The following A2M variants were observed in gnomAD, a reference collection of about 807,000 sequenced individuals.
The protein encoded by A2M is C3 and PZP-like alpha-2-macroglobulin domain-containing protein 5.
A2M carries 128 observed loss-of-function variants against 183.9 expected under a neutral mutation model. The observed-to-expected ratio is 0.70, with a 90% CI of 0.60 to 0.81. A2M has a LOEUF of 0.81. Ranked by LOEUF, A2M falls within the 30% of genes least tolerant of loss-of-function variation. A2M has a pLI of 0.00. For missense variants in A2M, 1,495 were observed against 1,787.6 expected, an observed-to-expected ratio of 0.84 and a Z score of 2.95; for synonymous variants, 592 against 670.8, an observed-to-expected ratio of 0.88 and a Z score of 1.81.
At chr12:9,079,575 A>G in intron 24 of A2M, 64 bp downstream of exon 24, 1 of 1,477,588 alleles carries the variant, frequency 6.8e-7, no homozygotes, top group Middle Eastern at 1.9e-4. Flanking sequence ...TAAGTAACTG[A>G]AACCTACTGG....
intron 33 of A2M, 97 bp downstream of exon 33, chr12:9,069,647 AT>A: frequency 1.2e-6 from 1 of 806,068 alleles, no homozygotes; most frequent in Non-Finnish European, 2.0e-6. Context: ...AATTTCTAGC[AT>A]GGAAGTGATG....
intron 23 of A2M, 111 bp downstream of exon 23, chr12:9,079,983 A>C (rs993588407): frequency 2.2e-6 from 2 of 921,028 alleles, no homozygotes; most frequent in African/African-American, 1.7e-5. Context: ...AAAGAAGAAG[A>C]GAAGAAAGAA....
At chr12:9,079,860 C>T in intron 23 of A2M, 45 bp from the exon 24 acceptor site, 1 of 1,471,112 alleles carries the variant, frequency 6.8e-7, no homozygotes, top group Non-Finnish European at 9.1e-7. Context: ...TGGAGATTAT[C>T]ATCTATCAAA....
chr12:9,080,659 G>C (rs1948883407), intron 22 of A2M, among the ~76,000 whole-genome samples: 1 of 152,126 alleles, frequency 6.6e-6, no homozygotes. Context: ...CATATACAAA[G>C]ATAGTATTTT....
At chr12:9,111,335 T>C (rs1436207899) in intron 4 of A2M, among the ~76,000 whole-genome samples, 2 of 152,078 alleles carry the variant, frequency 1.3e-5, no homozygotes, top group Non-Finnish European at 2.9e-5. Flanking sequence ...TGGTGGTAAG[T>C]GCAAATAGAA....
intron 19 of A2M, 183 bp from the exon 20 acceptor site, chr12:9,090,665 T>G (rs1411858808): frequency 3.3e-6 from 2 of 605,990 alleles, no homozygotes; most frequent in East Asian, 6.2e-5. Context: ...TTTACACAGG[T>G]AAATCTGAGT....
Position 9,080,156 on chromosome 12 carries a change from A to G in A2M, c.2792T>C (p.Leu931Ser). 1 of 1,585,780 alleles carries G rather than the reference A, an allele frequency of 6.3e-7. No homozygotes were observed. The highest frequency in any genetic ancestry group is 2.3e-5 in the East Asian group (1 of 43,814). ...CPSGGEVSEE[L>S]SLKLPPNVVE... ...CACATTTGGTGGCAGTTTCAGGGAT[A>G]ATTCTTCAGAAACCTCACCACCTAG... Residue 931 changes from leucine (L) to serine (S), a missense_variant, in exon 23 of 36, where the codon TTA becomes TCA. By Grantham distance (145) the Leu-to-Ser change is moderately radical (BLOSUM62 -2). Transcript: ENST00000318602.
intron 22 of A2M, among the ~76,000 whole-genome samples, chr12:9,083,604 A>G (rs953728095): frequency 1.3e-5 from 2 of 151,980 alleles, no homozygotes; most frequent in African/African-American, 4.8e-5. Flanking sequence ...CAGGCAGAAG[A>G]GCAGAAAGAC....
intron 31 of A2M, among the ~76,000 whole-genome samples, chr12:9,070,995 T>A (rs1174280820): frequency 6.6e-6 from 1 of 152,126 alleles, no homozygotes; most frequent in Non-Finnish European, 1.5e-5. Flanking sequence ...TAATTTTGTA[T>A]TTTTAGTACA....
chr12:9,099,630 C>A (rs951388671), intron 13 of A2M, 107 bp from the exon 14 acceptor site: 1 of 1,296,374 alleles, frequency 7.7e-7, no homozygotes, highest in Non-Finnish European at 1.0e-6. Flanking sequence ...GGATGATTAC[C>A]TCTAAGGACT....
chr12:9,068,819 C>A lies in A2M; in HGVS notation c.4287G>T (p.Leu1429Phe). 6.2e-7 allele frequency: 1 copy of A among 1,605,152 alleles called. No individual in the cohort carries two copies. The highest frequency in any genetic ancestry group is 8.5e-7 in the Non-Finnish European group (1 of 1,176,064). ...LDKVSNQTLS[L>F]FFTVLQDVPV... ...GGACATCTTGCAGAACCGTGAAGAACAAGCTCAGTGTCTGATTTGACACCT... is the reference window on the plus strand; with the variant it reads ...GGACATCTTGCAGAACCGTGAAGAAAAAGCTCAGTGTCTGATTTGACACCT... The change falls in exon 34 of 36, where the codon TTG becomes TTT. Residue 1429 changes from leucine (L) to phenylalanine (F), a missense_variant. Leu to Phe is a conservative substitution (Grantham distance 22). Transcript: ENST00000318602.
chr12:9,094,936 A>G (rs1396950952), intron 17 of A2M, 37 bp downstream of exon 17: 7 of 1,179,604 alleles, frequency 5.9e-6, no homozygotes, highest in Non-Finnish European at 8.2e-6. Flanking sequence ...TTTGGTGAAT[A>G]TATTAGGCAA....
chr12:9,089,923 G>A lies in A2M; in HGVS notation c.2697C>T (p.Val899=), dbSNP rs1439855597. ...TTACTTCAACCAACAGAGGCTTGATGACTGTGTCTTTCCTTCCGTGTTCAG... is the reference window on the plus strand; with the variant it reads ...TTACTTCAACCAACAGAGGCTTGATAACTGTGTCTTTCCTTCCGTGTTCAG... ...SVPEHGRKDT[V]IKPLLVEPEG... Residue 899 remains valine, a synonymous_variant, in exon 21 of 36, where the codon GTC becomes GTT. Transcript: ENST00000318602. 1 of 1,611,726 alleles carries A rather than the reference G, an allele frequency of 6.2e-7. No individual in the cohort carries two copies. Among genetic ancestry groups the A allele is most frequent in the South Asian group, 1.1e-5 (1 of 90,716 alleles).
intron 7 of A2M, among the ~76,000 whole-genome samples, chr12:9,108,675 A>G (rs1938492882): frequency 6.6e-6 from 1 of 152,210 alleles, no homozygotes. Flanking sequence ...TCTTCCTGCT[A>G]CTGCTACTGT....
intron 20 of A2M, 57 bp from the exon 21 acceptor site, chr12:9,090,080 A>T: frequency 6.4e-7 from 1 of 1,556,578 alleles, no homozygotes; most frequent in Non-Finnish European, 8.7e-7. Flanking sequence ...CATGCCTCCA[A>T]ACTCAAGATT....
At chr12:9,087,826 T>C (rs1949093723) in intron 22 of A2M, among the ~76,000 whole-genome samples, 1 of 152,096 alleles carries the variant, frequency 6.6e-6, no homozygotes, top group Non-Finnish European at 1.5e-5. Flanking sequence ...AAACTATGCA[T>C]ATCTATGCAT....
chr12:9,078,581 G>T (rs1948816808), intron 25 of A2M, among the ~76,000 whole-genome samples: 2 of 152,126 alleles, frequency 1.3e-5, no homozygotes, highest in Admixed American at 1.3e-4. Context: ...AGGTCAAATG[G>T]TATTTCTGGT....
At chr12:9,086,068 A>G (rs1442432298) in intron 22 of A2M, among the ~76,000 whole-genome samples, 3 of 152,204 alleles carry the variant, frequency 2.0e-5, no homozygotes, top group Non-Finnish European at 4.4e-5. Context: ...CTTATCATTT[A>G]AAAAGAATGA....
intron 15 of A2M, among the ~76,000 whole-genome samples, chr12:9,097,327 C>T (rs994450897): frequency 6.6e-6 from 1 of 151,968 alleles, no homozygotes; most frequent in African/African-American, 2.4e-5. Context: ...ATAAATTTCT[C>T]TTTGTTAAAT....
Sources: allele counts gnomAD v4.1 joint callset (sites outside exome capture counted in the v4.1 genomes callset), GRCh38; gene constraint gnomAD v4.1.1; transcripts MANE v1.5; gene names NCBI Gene and HGNC (gene_info 2026-07-23, HGNC 2026-07-21).